The following ROBO1 variants were observed in gnomAD, a reference collection of about 807,000 sequenced individuals.
The protein encoded by ROBO1 is roundabout guidance receptor 1, also known as roundabout homolog 1.
Under a neutral mutation model 195.9 loss-of-function variants are expected in ROBO1, and 149 were observed. That is an observed-to-expected ratio of 0.76 (90% CI 0.67 to 0.87). ROBO1 has a LOEUF of 0.87. ROBO1 is among the 40% of genes least tolerant of loss of function. The probability of loss-of-function intolerance (pLI) is 0.00; values close to 1 mark genes in which losing one functional copy is unlikely to be tolerated. For synonymous variants in ROBO1, 816 were observed against 733.2 expected (o/e 1.11, Z -1.82); for missense variants, 1,933 against 2,068.3 (o/e 0.93, Z 1.27).
At chr3:78,733,802 T>C (rs1030532964) in intron 5 of ROBO1, among the ~76,000 whole-genome samples, 3 of 152,196 alleles carry the variant, frequency 2.0e-5, no homozygotes, top group African/African-American at 7.2e-5. Flanking sequence ...AGAAATTTAA[T>C]GGCCTGATCA....
intron 2 of ROBO1, among the ~76,000 whole-genome samples, chr3:79,402,281 G>A (rs530895704): frequency 6.6e-6 from 1 of 151,894 alleles, no homozygotes; most frequent in African/African-American, 2.4e-5. Flanking sequence ...CAACCTGCCT[G>A]TTGGTAAAAG....
chr3:78,997,581 T>C (rs2077399206), intron 3 of ROBO1, among the ~76,000 whole-genome samples: 1 of 152,130 alleles, frequency 6.6e-6, no homozygotes, highest in African/African-American at 2.4e-5. Flanking sequence ...AGAAATCCAC[T>C]ATACCCTCAA....
chr3:79,733,005 G>A (rs1311986576), intron 1 of ROBO1, among the ~76,000 whole-genome samples: 4 of 151,902 alleles, frequency 2.6e-5, no homozygotes, highest in South Asian at 2.1e-4. Flanking sequence ...CATCTATACC[G>A]CCATAGCAGT....
chr3:79,432,568 A>G (rs1179780535), intron 2 of ROBO1, among the ~76,000 whole-genome samples: 1 of 152,152 alleles, frequency 6.6e-6, no homozygotes, highest in Non-Finnish European at 1.5e-5. Context: ...GCATGATAAC[A>G]TTTTGAATGG....
At chr3:79,739,514 T>G (rs566804737) in intron 1 of ROBO1, among the ~76,000 whole-genome samples, 1 of 152,142 alleles carries the variant, frequency 6.6e-6, no homozygotes, top group Admixed American at 6.6e-5. Flanking sequence ...TCAATATATA[T>G]AATACATGAA....
chr3:79,591,799 T>G (rs1165406852), intron 1 of ROBO1, among the ~76,000 whole-genome samples: 1 of 151,786 alleles, frequency 6.6e-6, no homozygotes. Context: ...TGGTCATTTC[T>G]GCTTGGCTGG....
At chr3:79,542,764 T>A (rs142384803) in intron 2 of ROBO1, among the ~76,000 whole-genome samples, 1,652 of 152,196 alleles carry the variant, frequency 0.011, 31 homozygotes, top group African/African-American at 0.038. Flanking sequence ...GAGTTACAGG[T>A]TGATCTACTG....
chr3:79,686,057 G>T (rs539989216), intron 1 of ROBO1, among the ~76,000 whole-genome samples: 2 of 152,146 alleles, frequency 1.3e-5, no homozygotes, highest in African/African-American at 2.4e-5. Context: ...GGGATGCAAG[G>T]CTGGTTCAAC....
intron 2 of ROBO1, among the ~76,000 whole-genome samples, chr3:79,423,523 C>T (rs1190590742): frequency 6.6e-6 from 1 of 151,992 alleles, no homozygotes; most frequent in Non-Finnish European, 1.5e-5. Flanking sequence ...ATAAATAGGT[C>T]CATATTTATC....
intron 2 of ROBO1, among the ~76,000 whole-genome samples, chr3:79,373,969 T>C (rs2036293047): frequency 6.6e-6 from 1 of 152,204 alleles, no homozygotes; most frequent in African/African-American, 2.4e-5. Flanking sequence ...TTATCTTGTA[T>C]TGACTATTTG....
intron 2 of ROBO1, among the ~76,000 whole-genome samples, chr3:79,436,145 T>C (rs2038879462): frequency 6.6e-6 from 1 of 152,184 alleles, no homozygotes; most frequent in South Asian, 2.1e-4. Flanking sequence ...CTATAGATCA[T>C]GGTTTCATTT....
chr3:79,706,711 T>C (rs978873457), intron 1 of ROBO1, among the ~76,000 whole-genome samples: 31 of 152,126 alleles, frequency 2.0e-4, no homozygotes, highest in African/African-American at 7.5e-4. Context: ...TTGCCATCCA[T>C]GTAAAATATG....
intron 3 of ROBO1, among the ~76,000 whole-genome samples, chr3:79,050,892 A>T (rs1275753301): frequency 3.3e-5 from 5 of 152,036 alleles, no homozygotes; most frequent in Non-Finnish European, 5.9e-5. Flanking sequence ...CCAGAATCTC[A>T]GGGATACACT....
intron 1 of ROBO1, among the ~76,000 whole-genome samples, chr3:79,655,727 A>G (rs1317848198): frequency 2.0e-5 from 3 of 152,104 alleles, no homozygotes; most frequent in African/African-American, 7.2e-5. Context: ...AAGTGTTGAC[A>G]AAGAAGAAAA....
intron 5 of ROBO1, among the ~76,000 whole-genome samples, chr3:78,731,997 T>C (rs1049488744): frequency 1.3e-5 from 2 of 152,120 alleles, no homozygotes; most frequent in Admixed American, 6.6e-5. Flanking sequence ...ATAGCATTGT[T>C]ACATGCATTA....
At chr3:78,942,934 G>T (rs1422428559) in intron 3 of ROBO1, among the ~76,000 whole-genome samples, 2 of 148,178 alleles carry the variant, frequency 1.3e-5, no homozygotes, top group Non-Finnish European at 1.5e-5. Flanking sequence ...TTTTTTTTTT[G>T]CCGGGTGCGG....
intron 2 of ROBO1, among the ~76,000 whole-genome samples, chr3:79,498,186 T>C (rs530983254): frequency 1.3e-5 from 2 of 152,358 alleles, no homozygotes; most frequent in African/African-American, 2.4e-5. Context: ...TTTTGTCATC[T>C]TTTGATTTGC....
intron 3 of ROBO1, among the ~76,000 whole-genome samples, chr3:79,032,850 C>G (rs2078320443): frequency 6.6e-6 from 1 of 151,960 alleles, no homozygotes; most frequent in African/African-American, 2.4e-5. Flanking sequence ...AAAATCCCTC[C>G]CCTATGAAAT....
At chr3:79,252,474 A>C (rs1374347888) in intron 2 of ROBO1, among the ~76,000 whole-genome samples, 1 of 152,162 alleles carries the variant, frequency 6.6e-6, no homozygotes, top group Non-Finnish European at 1.5e-5. Context: ...AAGGCAAGAA[A>C]AGATTCTTCT....
Sources: allele counts gnomAD v4.1 joint callset (sites outside exome capture counted in the v4.1 genomes callset), GRCh38; gene constraint gnomAD v4.1.1; transcripts MANE v1.5; gene names NCBI Gene and HGNC (gene_info 2026-07-23, HGNC 2026-07-21).